DRC11: variants seen among roughly 807,000 people sequenced by gnomAD.
The protein encoded by DRC11 is IQ and AAA domain-containing protein 1.
At chr2:236,439,200 G>C in the DRC11 span, among the ~76,000 whole-genome samples, 2 of 151,078 alleles carry the variant, frequency 1.3e-5, no homozygotes, top group Non-Finnish European at 3.0e-5. Context: ...CTAGCAGAAG[G>C]CAAGAAATAA....
At chr2:236,486,815 T>TA in the DRC11 span, 53 of 1,581,172 alleles carry the variant, frequency 3.4e-5, no homozygotes, top group Non-Finnish European at 3.7e-5. The surrounding 1 kb of genome is among the most constrained non-coding windows in gnomAD (Gnocchi z 5.7). Flanking sequence ...TGCTATCTCT[T>TA]AAAAAAAACT....
the DRC11 span, among the ~76,000 whole-genome samples, chr2:236,323,298 C>T: frequency 1.3e-5 from 2 of 152,102 alleles, no homozygotes; most frequent in Non-Finnish European, 2.9e-5. This position sits in a 1 kb window ranked among gnomAD's most constrained non-coding sequence, Gnocchi z 6.4. Context: ...GGGGAGTCTG[C>T]CATTTCTCAG....
At chr2:236,331,277 C>A in the DRC11 span, 1 of 1,027,258 alleles carries the variant, frequency 9.7e-7, no homozygotes, top group Non-Finnish European at 1.5e-6. This position sits in a 1 kb window ranked among gnomAD's most constrained non-coding sequence, Gnocchi z 4.8. Context: ...TTCCAATTCA[C>A]GAAACCCACG....
the DRC11 span, among the ~76,000 whole-genome samples, chr2:236,436,378 C>A: frequency 6.6e-6 from 1 of 152,082 alleles, no homozygotes. Flanking sequence ...AGTATATGAG[C>A]AGATTCTCTT....
At chr2:236,434,891 TA>T in the DRC11 span, among the ~76,000 whole-genome samples, 1 of 152,086 alleles carries the variant, frequency 6.6e-6, no homozygotes, top group Non-Finnish European at 1.5e-5. This position sits in a 1 kb window ranked among gnomAD's most constrained non-coding sequence, Gnocchi z 5.5. Flanking sequence ...GGACAACACC[TA>T]AACACATAAA....
At chr2:236,356,816 A>G in the DRC11 span, among the ~76,000 whole-genome samples, 18 of 151,274 alleles carry the variant, frequency 1.2e-4, no homozygotes, top group African/African-American at 4.1e-4. Flanking sequence ...GCCCTGCCTT[A>G]TAACTTCTTT....
chr2:236,377,602 T>C, the DRC11 span, among the ~76,000 whole-genome samples: 1 of 152,362 alleles, frequency 6.6e-6, no homozygotes, highest in Non-Finnish European at 1.5e-5. The surrounding 1 kb of genome is among the most constrained non-coding windows in gnomAD (Gnocchi z 4.9). Flanking sequence ...GAAATTTATG[T>C]TTCCTTTTAA....
the DRC11 span, among the ~76,000 whole-genome samples, chr2:236,486,220 A>G: frequency 4.6e-5 from 7 of 152,196 alleles, no homozygotes; most frequent in Non-Finnish European, 1.0e-4. This position sits in a 1 kb window ranked among gnomAD's most constrained non-coding sequence, Gnocchi z 5.7. Flanking sequence ...CAGCAACCAC[A>G]CAAGCTTGCA....
chr2:236,410,261 C>A, the DRC11 span, among the ~76,000 whole-genome samples: 1 of 151,606 alleles, frequency 6.6e-6, no homozygotes, highest in Non-Finnish European at 1.5e-5. Context: ...GGTTGGTAAG[C>A]TATTGATTAT....
chr2:236,435,605 G>A, the DRC11 span, among the ~76,000 whole-genome samples: 1 of 152,200 alleles, frequency 6.6e-6, no homozygotes, highest in African/African-American at 2.4e-5. Context: ...GTAGGAGAGA[G>A]AAAAAGAGAG....
the DRC11 span, among the ~76,000 whole-genome samples, chr2:236,355,933 T>C: frequency 3.8e-3 from 573 of 152,292 alleles, 3 homozygotes; most frequent in African/African-American, 0.013. Flanking sequence ...ACACCACATC[T>C]GGGCAAGAGC....
chr2:236,311,461 C>T, the DRC11 span, among the ~76,000 whole-genome samples: 1 of 152,200 alleles, frequency 6.6e-6, no homozygotes, highest in Non-Finnish European at 1.5e-5. This position sits in a 1 kb window ranked among gnomAD's most constrained non-coding sequence, Gnocchi z 6.9. Flanking sequence ...TTGTCCTTCA[C>T]CTTCCCTATC....
chr2:236,364,939 G>A, the DRC11 span, among the ~76,000 whole-genome samples: 1 of 152,290 alleles, frequency 6.6e-6, no homozygotes, highest in East Asian at 1.9e-4. Flanking sequence ...TTGGAAAATA[G>A]TTTTGAGCAA....
At chr2:236,386,499 G>A in the DRC11 span, among the ~76,000 whole-genome samples, 8 of 151,946 alleles carry the variant, frequency 5.3e-5, no homozygotes, top group South Asian at 4.2e-4. Context: ...CTGTGGGATC[G>A]GTGGTGATAT....
the DRC11 span, among the ~76,000 whole-genome samples, chr2:236,317,918 T>A: frequency 1.3e-5 from 2 of 152,202 alleles, no homozygotes; most frequent in Non-Finnish European, 2.9e-5. The surrounding 1 kb of genome is among the most constrained non-coding windows in gnomAD (Gnocchi z 5.4). Context: ...GAAATAAATA[T>A]GGCTTCCTGG....
chr2:236,364,747 CA>C, the DRC11 span, among the ~76,000 whole-genome samples: 1 of 152,162 alleles, frequency 6.6e-6, no homozygotes, highest in Non-Finnish European at 1.5e-5. Flanking sequence ...GTGCTGTGAT[CA>C]AATCATTTAC....
chr2:236,393,706 C>T, the DRC11 span, among the ~76,000 whole-genome samples: 2 of 152,198 alleles, frequency 1.3e-5, no homozygotes, highest in Non-Finnish European at 2.9e-5. The surrounding 1 kb of genome is among the most constrained non-coding windows in gnomAD (Gnocchi z 4.7). Context: ...AAGCTAGACT[C>T]TCAGGAGAGG....
chr2:236,331,701 C>T, the DRC11 span: 51 of 790,836 alleles, frequency 6.4e-5, no homozygotes, highest in East Asian at 6.2e-4. This position sits in a 1 kb window ranked among gnomAD's most constrained non-coding sequence, Gnocchi z 4.8. Context: ...AAGGAATACA[C>T]AGAAGTCTAC....
chr2:236,497,936 T>C, the DRC11 span, among the ~76,000 whole-genome samples: 4 of 152,202 alleles, frequency 2.6e-5, no homozygotes, highest in Non-Finnish European at 5.9e-5. The surrounding 1 kb of genome is among the most constrained non-coding windows in gnomAD (Gnocchi z 5.1). Flanking sequence ...AATTATACCC[T>C]AGAGAAACTT....
Sources: gnomAD v4.1 joint callset for allele counts (sites outside exome capture counted in the v4.1 genomes callset) on GRCh38, gnomAD v4.1.1 for gene constraint, Gnocchi (gnomAD v3.1) non-coding constraint, MANE v1.5 for transcripts, NCBI Gene and HGNC (gene_info 2026-07-23, HGNC 2026-07-21) for gene names.